Variants in LSS observed in about 807,000 individuals in gnomAD.
LSS encodes the protein 2,3-epoxysqualene-lanosterol cyclase.
In LSS, 90 loss-of-function variants were observed where a neutral mutation model predicts 110.3. The ratio of observed to expected loss-of-function variants is 0.82; its 90% CI spans 0.69 to 0.97. The LOEUF (loss-of-function observed/expected upper bound fraction) is 0.97. Among genes scored for constraint, LSS ranks in the 50% least tolerant of loss-of-function variants. The probability of loss-of-function intolerance (pLI) is 0.00; values close to 1 mark genes in which losing one functional copy is unlikely to be tolerated. For missense variants in LSS, 927 were observed against 990.0 expected, an observed-to-expected ratio of 0.94 and a Z score of 0.85; for synonymous variants, 433 against 400.0, an observed-to-expected ratio of 1.08 and a Z score of -0.98.
At position 46,206,683 on chromosome 21, in the gene LSS, G is replaced by C; in HGVS notation, c.1553C>G (p.Ser518Trp). 6.2e-7 allele frequency: 1 copy of C among 1,612,494 alleles called. No homozygotes were observed. Among genetic ancestry groups the C allele is most frequent in the Admixed American group, 1.7e-5 (1 of 60,018 alleles). ...GGHLLELLNP[S>W]EVFGDIMIDY... ...GGCCGACCACTCACCGAAGACCTCC[G>C]AGGGGTTCAGCAGCTCCAGCAAGTG... Residue 518 changes from serine (S) to tryptophan (W), a missense_variant, in exon 16 of 22, where the codon TCG becomes TGG. Ser to Trp is a radical substitution (Grantham distance 177, BLOSUM62 -3). Coordinates refer to ENST00000397728, the MANE Select transcript of LSS (RefSeq NM_002340.6).
chr21:46,220,054 G>A (rs779782965), intron 5 of LSS, among the ~76,000 whole-genome samples: 2 of 152,160 alleles, frequency 1.3e-5, no homozygotes, highest in African/African-American at 2.4e-5. Flanking sequence ...GAACAAAGAC[G>A]ACCCTAGACT....
chr21:46,188,844 G>A lies in LSS; in HGVS notation c.*2260C>T, dbSNP rs376640756. The A allele has an allele frequency of 6.5e-6, 3 of 460,408 alleles. No homozygotes were observed. The highest frequency in any genetic ancestry group is 6.0e-5 in the African/African-American group (3 of 49,686). 28.5% of individuals were successfully genotyped at this position (460,408 alleles called of 1,614,324 possible). A position where few individuals can be genotyped will look rare whatever the true frequency, so the allele number is the denominator to read the frequency against. ...CCACTGTGAAGGAAAACAATGCAGT[G>A]AAAGAAAGTTCCTCCTATGTGGACA... On this transcript the variant is annotated 3_prime_UTR_variant, in exon 22 of 22. Coordinates refer to ENST00000397728, the MANE Select transcript of LSS (RefSeq NM_002340.6).
At chr21:46,213,874 C>T (rs755372645) in intron 9 of LSS, 39 bp from the exon 10 acceptor site, 21 of 1,449,038 alleles carry the variant, frequency 1.4e-5, no homozygotes, top group Non-Finnish European at 1.3e-5. Context: ...CCGCTCCAGA[C>T]CCACAGCAGC....
chr21:46,205,914 A>C lies in LSS; in HGVS notation c.1592T>G (p.Val531Gly). Residue 531 changes from valine to glycine, a missense_variant, in exon 17 of 22, where the codon GTG becomes GGG. By Grantham distance (109) the Val-to-Gly change is moderately radical. Coordinates refer to ENST00000397728, the MANE Select transcript of LSS (RefSeq NM_002340.6). ...CTGCATCACGGCTGAGGTGCACTCC[A>C]CATAGGTGTAGTCAATCATGATGTC... ...FGDIMIDYTY[V>G]ECTSAVMQAL... The C allele has an allele frequency of 6.2e-7, 1 of 1,610,492 alleles. No individual in the cohort carries two copies.
rs1247853390 is a variant in LSS at position 46,196,235 on chromosome 21, C to T, written c.1703G>A (p.Arg568Gln). The change falls in exon 18 of 22, where the codon CGG (arginine) becomes CAG (glutamine). Residue 568 changes from arginine (R) to glutamine (Q), a missense_variant. Transcript: ENST00000397728. ...GGAGCCATCGGCCCTCTGCTGCCGC[C>T]GACAGAACTCTAAGCCCTGCGTGAG... ...ETLTQGLEFC[R>Q]RQQRADGSWE... 6 of 1,614,050 alleles carry T rather than the reference C, an allele frequency of 3.7e-6. No homozygotes were observed. In the African/African-American group the frequency reaches 4.0e-5, roughly 11 times the overall value.
chr21:46,216,432 C>T lies in LSS; in HGVS notation c.740G>A (p.Arg247Gln), dbSNP rs758357675. 9.0e-5 allele frequency: 146 copies of T among 1,613,816 alleles called. 1 individual carries two copies. Among genetic ancestry groups the T allele is most frequent in the South Asian group, 7.0e-4 (64 of 91,088 alleles). ...CAGCGGGTCTTCCGCGGCACTCAGC[C>T]GAACGGCGTAGCAGTAGCTCATGGG... ...YLPMSYCYAVRLSAAEDPLVQ... is the reference protein window; with the variant it reads ...YLPMSYCYAVQLSAAEDPLVQ... Residue 247 changes from arginine (R) to glutamine (Q), a missense_variant, in exon 7 of 22, where the codon CGG (arginine) becomes CAG (glutamine). Transcript: ENST00000397728. The surrounding 1 kb of genome is among the most constrained non-coding windows in gnomAD (Gnocchi z 4.2).
At chr21:46,208,362 C>A in intron 13 of LSS, 61 bp from the exon 14 acceptor site, 1 of 1,395,320 alleles carries the variant, frequency 7.2e-7, no homozygotes, top group South Asian at 1.2e-5. Flanking sequence ...ACGTCCCCAT[C>A]TGGGACATCG....
In LSS at chr21:46,209,767, G is replaced by T; in HGVS notation, c.1195-142C>A. The T allele has an allele frequency of 1.5e-6, 1 of 663,612 alleles. No homozygotes were observed. Among genetic ancestry groups the T allele is most frequent in the South Asian group, 1.9e-5 (1 of 53,814 alleles). The allele number at this position is 663,612 out of a possible 1,614,324, so 41.1% of individuals were successfully genotyped here. Reference sequence around the variant, plus strand: ...AGCAGACATCTCCAGAGAGTGCCAGGGTCTCCTGCTGCACTTACCTTTAAA... The same window carrying T: ...AGCAGACATCTCCAGAGAGTGCCAGTGTCTCCTGCTGCACTTACCTTTAAA... On this transcript the variant is annotated intron_variant, in intron 12 of 21. Transcript: ENST00000397728. The surrounding 1 kb of genome is among the most constrained non-coding windows in gnomAD (Gnocchi z 4.4).
intron 17 of LSS, among the ~76,000 whole-genome samples, chr21:46,196,702 G>C (rs1015034734): frequency 6.6e-6 from 1 of 152,238 alleles, no homozygotes; most frequent in South Asian, 2.1e-4. Context: ...GAAAAGGCCA[G>C]AGCGAAGTGT....
At chr21:46,223,147 A>C (rs1419462501) in intron 3 of LSS, among the ~76,000 whole-genome samples, 1 of 152,272 alleles carries the variant, frequency 6.6e-6, no homozygotes, top group East Asian at 1.9e-4. Context: ...GCTGGGAAGA[A>C]AAATACAAAA....
rs928844976 is a variant in LSS at position 46,202,402 on chromosome 21, A to T, written c.1670+3434T>A. On this transcript the variant is annotated intron_variant, in intron 17 of 21. Transcript: ENST00000397728. Reference sequence around the variant, plus strand: ...GAGCGAGACTCCGTCTCAAAAAAAAAAAAAATAAATAAAATAAAATCTTAA... The same window carrying T: ...GAGCGAGACTCCGTCTCAAAAAAAATAAAAATAAATAAAATAAAATCTTAA... Among the ~76,000 whole-genome samples the T allele has an allele frequency of 1.3e-4, 19 of 149,648 alleles. No individual in the cohort carries two copies. The East Asian group carries it at 3.7e-3, about 29-fold the overall frequency.
At chr21:46,219,755 C>T (rs1220687372) in intron 5 of LSS, among the ~76,000 whole-genome samples, 183 bp from the exon 6 acceptor site, 1 of 152,206 alleles carries the variant, frequency 6.6e-6, no homozygotes, top group African/African-American at 2.4e-5. Context: ...GAGAACTTGC[C>T]TGGATACACG....
At chr21:46,195,564 A>C in intron 19 of LSS, 112 bp downstream of exon 19, 3 of 669,156 alleles carry the variant, frequency 4.5e-6, no homozygotes, top group Non-Finnish European at 6.5e-6. Context: ...TCCGTCTCAA[A>C]AACAAACAAA....
chr21:46,228,551 G>A lies in LSS; in HGVS notation c.63C>T (p.Asp21=), dbSNP rs372924541. 3 of 1,596,880 alleles carry A rather than the reference G, an allele frequency of 1.9e-6. No homozygotes were observed. The highest frequency in any genetic ancestry group is 2.7e-5 in the African/African-American group (2 of 74,758). Reference sequence around the variant, plus strand: ...CGCAGTTGAGTCGCCAGCGGCCGAGGTCGGTGGCGGGCTCGGTCTTGTAGG... The same window carrying A: ...CGCAGTTGAGTCGCCAGCGGCCGAGATCGGTGGCGGGCTCGGTCTTGTAGG... The part of the protein sequence containing the change: ...GGPYKTEPAT[D]LGRWRLNCER... Residue 21 remains aspartate, a synonymous_variant, in exon 2 of 22, where the codon GAC becomes GAT. Transcript: ENST00000397728.
Position 46,190,819 on chromosome 21 carries a change from G to A in LSS, c.*285C>T, listed in dbSNP as rs1403377557. 2 of 440,222 alleles carry A rather than the reference G, an allele frequency of 4.5e-6. No individual in the cohort carries two copies. The highest frequency in any genetic ancestry group is 3.5e-5 in the Admixed American group (1 of 28,398). The allele number at this position is 440,222 out of a possible 1,614,324, so 27.3% of individuals were successfully genotyped here. ...CTACCTTGAGGCCGTGCCCAGAGGT[G>A]GCAGAAGGCGCTGTGCCTCCTCAGG... is the stretch of plus-strand genomic sequence containing the variant. On this transcript the variant is annotated 3_prime_UTR_variant, in exon 22 of 22. Transcript: ENST00000397728. This position sits in a 1 kb window ranked among gnomAD's most constrained non-coding sequence, Gnocchi z 4.6.
rs549494628 is a variant in LSS at position 46,204,444 on chromosome 21, G to A, written c.1670+1392C>T. Among the ~76,000 whole-genome samples, 74 of 151,626 alleles carry A rather than the reference G, an allele frequency of 4.9e-4. 1 individual carries two copies. Among genetic ancestry groups the A allele is most frequent in the South Asian group, 4.8e-3 (23 of 4,808 alleles). On this transcript the variant is annotated intron_variant, in intron 17 of 21. Transcript: ENST00000397728. Reference sequence around the variant, plus strand: ...TCAGAAGGAAGAGGAGGATGTCAGCGTTGGGCTCAGAGCCATCTAAGAGGA... The same window carrying A: ...TCAGAAGGAAGAGGAGGATGTCAGCATTGGGCTCAGAGCCATCTAAGAGGA...
intron 16 of LSS, 96 bp from the exon 17 acceptor site, chr21:46,206,037 T>A: frequency 1.0e-6 from 1 of 955,154 alleles, no homozygotes; most frequent in Non-Finnish European, 1.6e-6. Context: ...AGTGTTGCAG[T>A]GAGCCCGGGC....
chr21:46,228,028 G>A (rs1193359077), intron 2 of LSS, among the ~76,000 whole-genome samples: 2 of 152,250 alleles, frequency 1.3e-5, no homozygotes, highest in African/African-American at 2.4e-5. Flanking sequence ...GGCCCAAGGG[G>A]CGGCACAGCC....
chr21:46,210,334 G>A (rs1347284473), intron 12 of LSS, among the ~76,000 whole-genome samples: 1 of 151,992 alleles, frequency 6.6e-6, no homozygotes, highest in Non-Finnish European at 1.5e-5. Flanking sequence ...CCAAAGTGCT[G>A]GGATTACAGG....
Sources: allele counts gnomAD v4.1 joint callset (sites outside exome capture counted in the v4.1 genomes callset), GRCh38; gene constraint gnomAD v4.1.1; non-coding constraint Gnocchi (gnomAD v3.1); transcripts MANE v1.5; gene names NCBI Gene and HGNC (gene_info 2026-07-23, HGNC 2026-07-21).